CCDC102B: variants seen among roughly 807,000 people sequenced by gnomAD.
The protein encoded by CCDC102B is coiled-coil domain-containing protein 102B.
In CCDC102B, 75 loss-of-function variants were observed where a neutral mutation model predicts 57.4. That is an observed-to-expected ratio of 1.31 (90% CI 1.08 to 1.58). The LOEUF (loss-of-function observed/expected upper bound fraction) is 1.58, where lower values mean the gene tolerates loss of function less well. CCDC102B is among the 40% of genes most tolerant of loss of function. CCDC102B has a pLI of 0.00. For synonymous variants in CCDC102B, 206 were observed against 201.9 expected, an observed-to-expected ratio of 1.02 and a Z score of -0.17; for missense variants, 636 against 582.6, an observed-to-expected ratio of 1.09 and a Z score of -0.94.
chr18:69,045,396 A>G (rs1350697932), intron 7 of CCDC102B, among the ~76,000 whole-genome samples: 1 of 152,068 alleles, frequency 6.6e-6, no homozygotes, highest in Admixed American at 6.6e-5. Context: ...TCTCAAAATT[A>G]TGGTTTTAAA....
chr18:68,911,174 T>A (rs550172581), intron 6 of CCDC102B, among the ~76,000 whole-genome samples: 1 of 152,166 alleles, frequency 6.6e-6, no homozygotes, highest in African/African-American at 2.4e-5. Context: ...AGCAAAGACA[T>A]GGAATCAACC....
intron 6 of CCDC102B, among the ~76,000 whole-genome samples, chr18:68,956,061 CAA>C (rs1388974013): frequency 6.6e-6 from 1 of 151,494 alleles, no homozygotes; most frequent in Non-Finnish European, 1.5e-5. Context: ...TGAGAACCTG[CAA>C]AGTTTGTCTT....
At chr18:69,012,741 T>C (rs1395220766) in intron 7 of CCDC102B, among the ~76,000 whole-genome samples, 4 of 152,202 alleles carry the variant, frequency 2.6e-5, no homozygotes, top group African/African-American at 9.6e-5. Context: ...CATAAAGCTA[T>C]GCCTTTGCTG....
At chr18:68,965,438 A>AT (rs2050144549) in intron 6 of CCDC102B, among the ~76,000 whole-genome samples, 3 of 150,244 alleles carry the variant, frequency 2.0e-5, no homozygotes, top group East Asian at 3.9e-4. Flanking sequence ...GAGACTTTCT[A>AT]TTTTTTTCTG....
At chr18:68,975,362 AT>A (rs143488907) in intron 6 of CCDC102B, among the ~76,000 whole-genome samples, 2,996 of 152,184 alleles carry the variant, frequency 0.02, 104 homozygotes, top group African/African-American at 0.069. Context: ...AAACAATGAA[AT>A]TATAGAGCAA....
At chr18:68,733,508 T>TATATATATATATATATATAA (rs1568222920) in intron 2 of CCDC102B, among the ~76,000 whole-genome samples, 3 of 90,530 alleles carry the variant, frequency 3.3e-5, no homozygotes, top group African/African-American at 1.5e-4. Context: ...ATATATATAT[T>TATATATATATATATATATAA]TTTTTAACTT....
intron 6 of CCDC102B, among the ~76,000 whole-genome samples, chr18:68,942,884 A>G (rs2049421402): frequency 1.5e-5 from 2 of 132,014 alleles, no homozygotes; most frequent in African/African-American, 5.2e-5. Flanking sequence ...AGACTATCAC[A>G]TGGGGAGAAA....
intron 6 of CCDC102B, among the ~76,000 whole-genome samples, chr18:68,969,008 C>G (rs1444343272): frequency 6.6e-6 from 1 of 151,930 alleles, no homozygotes; most frequent in African/African-American, 2.4e-5. Flanking sequence ...AAAATAAATA[C>G]TATTTTTGTT....
intron 2 of CCDC102B, among the ~76,000 whole-genome samples, chr18:68,790,389 CT>C (rs1264790845): frequency 6.6e-6 from 1 of 151,972 alleles, no homozygotes; most frequent in Non-Finnish European, 1.5e-5. Flanking sequence ...CTTTGTTTAC[CT>C]AAGCAAGCCT....
chr18:68,846,092 A>C (rs1251127788), intron 3 of CCDC102B, among the ~76,000 whole-genome samples: 1 of 151,852 alleles, frequency 6.6e-6, no homozygotes, highest in Non-Finnish European at 1.5e-5. Flanking sequence ...AGCCAAATTA[A>C]ATATATGTAA....
At chr18:68,746,223 G>A (rs1001035760) in intron 2 of CCDC102B, among the ~76,000 whole-genome samples, 2 of 152,154 alleles carry the variant, frequency 1.3e-5, no homozygotes, top group African/African-American at 2.4e-5. Context: ...TTTCAAAAGA[G>A]CGAAACTTTG....
chr18:68,885,125 A>G (rs2039836410), intron 5 of CCDC102B, among the ~76,000 whole-genome samples: 1 of 152,066 alleles, frequency 6.6e-6, no homozygotes, highest in African/African-American at 2.4e-5. Flanking sequence ...AAAATGTAAC[A>G]TGGAGAAAAC....
intron 2 of CCDC102B, among the ~76,000 whole-genome samples, chr18:68,767,252 C>A (rs2034498927): frequency 6.6e-6 from 1 of 152,170 alleles, no homozygotes; most frequent in Admixed American, 6.6e-5. Flanking sequence ...GAAGCTCTAA[C>A]CCTTGGGAGG....
At chr18:68,821,352 A>G (rs1276212470) in intron 1 of CCDC102B, among the ~76,000 whole-genome samples, 1 of 151,546 alleles carries the variant, frequency 6.6e-6, no homozygotes, top group Non-Finnish European at 1.5e-5. Context: ...CCAGGATGCT[A>G]TATTTTATAA....
intron 1 of CCDC102B, among the ~76,000 whole-genome samples, chr18:68,822,548 A>G (rs1942288): frequency 0.43 from 65,456 of 151,888 alleles, 15,401 homozygotes; most frequent in East Asian, 0.87. Flanking sequence ...TTTTAGATAC[A>G]TAAGGTACCT....
intron 1 of CCDC102B, among the ~76,000 whole-genome samples, chr18:68,826,412 T>C (rs2036904894): frequency 6.6e-6 from 1 of 152,236 alleles, no homozygotes; most frequent in Admixed American, 6.5e-5. Flanking sequence ...GACATGGCTC[T>C]TGGGTTCATC....
chr18:68,886,910 A>G (rs2039907521), intron 5 of CCDC102B, among the ~76,000 whole-genome samples: 1 of 151,850 alleles, frequency 6.6e-6, no homozygotes, highest in Admixed American at 6.6e-5. Flanking sequence ...GAAACTAGTC[A>G]TTTTCTTGAC....
At chr18:68,892,001 C>T (rs910599859) in intron 5 of CCDC102B, among the ~76,000 whole-genome samples, 11 of 152,158 alleles carry the variant, frequency 7.2e-5, no homozygotes, top group South Asian at 2.1e-4. Flanking sequence ...ATAAAAATTA[C>T]GAGTTGTGTA....
chr18:68,873,385 C>G (rs1349631117), intron 4 of CCDC102B, among the ~76,000 whole-genome samples: 1 of 152,050 alleles, frequency 6.6e-6, no homozygotes, highest in Non-Finnish European at 1.5e-5. Context: ...CCTTTACTAC[C>G]TCTTGCTATC....
Sources: allele counts gnomAD v4.1 joint callset (sites outside exome capture counted in the v4.1 genomes callset), GRCh38; gene constraint gnomAD v4.1.1; transcripts MANE v1.5; gene names NCBI Gene and HGNC (gene_info 2026-07-23, HGNC 2026-07-21).